Variants in WDR93 observed in about 807,000 individuals in gnomAD.
WDR93 encodes WD repeat domain 93.
WDR93 carries 73 observed loss-of-function variants against 82.9 expected under a neutral mutation model. The ratio of observed to expected loss-of-function variants is 0.88; its 90% CI spans 0.73 to 1.07. WDR93 has a LOEUF of 1.07. Among genes scored for constraint, WDR93 ranks in the 50% least tolerant of loss-of-function variants. WDR93 has a pLI of 0.00. For missense variants in WDR93, 738 were observed against 826.0 expected (o/e 0.89, Z 1.31); for synonymous variants, 283 against 300.1 (o/e 0.94, Z 0.59).
intron 4 of WDR93, among the ~76,000 whole-genome samples, chr15:89,710,017 G>C (rs371449840): frequency 6.6e-6 from 1 of 152,056 alleles, no homozygotes; most frequent in Admixed American, 6.6e-5. Flanking sequence ...AAAATTAGCC[G>C]GGTGTGCTGG....
At chr15:89,693,154 T>G (rs1964985928) in intron 1 of WDR93, among the ~76,000 whole-genome samples, 1 of 152,220 alleles carries the variant, frequency 6.6e-6, no homozygotes, top group Non-Finnish European at 1.5e-5. Context: ...CCATTATAAA[T>G]AAAGCTGCTA....
chr15:89,709,004 G>T (rs1448785226), intron 4 of WDR93, among the ~76,000 whole-genome samples: 1 of 152,212 alleles, frequency 6.6e-6, no homozygotes, highest in Non-Finnish European at 1.5e-5. Context: ...TGGCTGTGAC[G>T]GCCAGGTGCC....
chr15:89,711,265 C>G (rs149723999), intron 4 of WDR93, among the ~76,000 whole-genome samples: 29 of 152,206 alleles, frequency 1.9e-4, no homozygotes, highest in African/African-American at 6.0e-4. Context: ...ATCCAGTTCA[C>G]AATGCGAAAA....
At chr15:89,727,566 A>T (rs938998377) in intron 9 of WDR93, among the ~76,000 whole-genome samples, 3 of 152,208 alleles carry the variant, frequency 2.0e-5, no homozygotes, top group African/African-American at 7.2e-5. Flanking sequence ...TCTCTAAAAT[A>T]AATAAGCTCT....
chr15:89,715,143 A>C lies in WDR93; in HGVS notation c.756+48A>C, dbSNP rs201228942. 813 of 1,543,620 alleles carry C rather than the reference A, an allele frequency of 5.3e-4. 5 individuals are homozygous for C. The African/African-American group carries it at 0.01, about 19-fold the overall frequency. On this transcript the variant is annotated intron_variant, in intron 6 of 16. Transcript: ENST00000268130. ...GCTGATATGTTTCTCCCTACCCCTG[A>C]CCCACATCTAGCCCAAGTCCTTGGA...
chr15:89,710,501 G>C (rs757944854), intron 4 of WDR93, among the ~76,000 whole-genome samples: 6 of 152,066 alleles, frequency 3.9e-5, no homozygotes, highest in Non-Finnish European at 7.3e-5. Context: ...TTGACAGGGT[G>C]TTAGTTACAG....
Position 89,712,016 on chromosome 15 carries a change from T to A in WDR93, c.562-10T>A. On this transcript the variant is annotated splice_polypyrimidine_tract_variant and intron_variant, in intron 4 of 16. Coordinates refer to ENST00000268130, the MANE Select transcript of WDR93 (RefSeq NM_020212.2). ...TATGCCTACTCTATCAACATCTCTT[T>A]TGTTTTCAGGATGATACCAGCAAGC... The A allele has an allele frequency of 6.2e-7, 1 of 1,611,356 alleles. No individual in the cohort carries two copies. Among genetic ancestry groups the A allele is most frequent in the African/African-American group, 1.3e-5 (1 of 74,972 alleles).
At chr15:89,722,899 G>A (rs1342034572) in intron 8 of WDR93, among the ~76,000 whole-genome samples, 1 of 152,028 alleles carries the variant, frequency 6.6e-6, no homozygotes, top group Non-Finnish European at 1.5e-5. Flanking sequence ...GTACAGAGGT[G>A]AATAATTGGT....
At chr15:89,722,748 A>G (rs1966575609) in intron 8 of WDR93, among the ~76,000 whole-genome samples, 1 of 152,156 alleles carries the variant, frequency 6.6e-6, no homozygotes, top group South Asian at 2.1e-4. Flanking sequence ...GAGGCTAGCT[A>G]TTGTAGGCGG....
At position 89,715,016 on chromosome 15, in the gene WDR93, C is replaced by T. The variant is rs1462921243; in HGVS notation, c.677C>T (p.Pro226Leu). 2 of 1,613,994 alleles carry T rather than the reference C, an allele frequency of 1.2e-6. No homozygotes were observed. Among genetic ancestry groups the T allele is most frequent in the Non-Finnish European group, 1.7e-6 (2 of 1,179,966 alleles). ...ATTTGGCTGGATGTGTATAAATTGC[C>T]CAAGGAGACTTGGCTCAAGAAACTA... ...GDIWLDVYKL[P>L]KETWLKKLEH... The change falls in exon 6 of 17, where the codon CCC (proline) becomes CTC (leucine). Residue 226 changes from proline (P) to leucine (L), a missense_variant. Pro to Leu is a moderately conservative substitution (Grantham distance 98). Transcript: ENST00000268130.
At chr15:89,698,995 C>T (rs1391715007) in intron 1 of WDR93, among the ~76,000 whole-genome samples, 1 of 151,954 alleles carries the variant, frequency 6.6e-6, no homozygotes, top group Non-Finnish European at 1.5e-5. Flanking sequence ...TCAAGTGATC[C>T]TCCAAGCACA....
chr15:89,734,539 G>A (rs1485668317), intron 13 of WDR93, among the ~76,000 whole-genome samples: 1 of 152,156 alleles, frequency 6.6e-6, no homozygotes, highest in Non-Finnish European at 1.5e-5. Flanking sequence ...GTCCCATTGG[G>A]CAAAGCACAT....
At position 89,737,691 on chromosome 15, in the gene WDR93, T is replaced by A. The variant is rs758834414; in HGVS notation, c.1727T>A (p.Phe576Tyr). 6.2e-7 allele frequency: 1 copy of A among 1,614,160 alleles called. No homozygotes were observed. Among genetic ancestry groups the A allele is most frequent in the South Asian group, 1.1e-5 (1 of 91,088 alleles). The change falls in exon 15 of 17, where the codon TTT becomes TAT. Residue 576 changes from phenylalanine (F) to tyrosine (Y), a missense_variant. Coordinates refer to ENST00000268130, the MANE Select transcript of WDR93 (RefSeq NM_020212.2). The stretch of plus-strand genomic sequence containing the variant: ...CTGGAGGTCCCCTGGAAGCCAGTGT[T>A]TGCTGTGTCTCCAGACCATCCATGT... Reference protein sequence around the residue: ...FPLEVPWKPVFAVSPDHPCFL... With the variant: ...FPLEVPWKPVYAVSPDHPCFL...
chr15:89,730,261 G>A (rs1966848578), intron 11 of WDR93, among the ~76,000 whole-genome samples: 1 of 149,906 alleles, frequency 6.7e-6, no homozygotes, highest in Non-Finnish European at 1.5e-5. Flanking sequence ...GGAGGCAGAG[G>A]TTGCAGTGAG....
In WDR93 at chr15:89,712,098, C is replaced by A. The variant is rs1240475259; in HGVS notation, c.634C>A (p.Leu212Ile). Residue 212 changes from leucine (L) to isoleucine (I), a missense_variant, in exon 5 of 17, where the codon CTA becomes ATA. Physicochemically the swap from Leu to Ile is conservative, Grantham distance 5. Transcript: ENST00000268130. The part of the protein sequence containing the change: ...SQGGDFAAFL[L>I]QGAGDIWLDV... ...AGGAGGGGACTTTGCAGCCTTCCTC[C>A]TACAAGGCAAGATTAACCAAAGACT... The A allele has an allele frequency of 1.9e-6, 3 of 1,611,706 alleles. No individual in the cohort carries two copies.
intron 14 of WDR93, among the ~76,000 whole-genome samples, chr15:89,735,809 C>T (rs1322342234): frequency 6.6e-6 from 1 of 152,158 alleles, no homozygotes; most frequent in African/African-American, 2.4e-5. Flanking sequence ...TTAATGGATG[C>T]ATGGAACAGA....
intron 1 of WDR93, among the ~76,000 whole-genome samples, chr15:89,697,171 C>G (rs1965222032): frequency 6.6e-6 from 1 of 151,648 alleles, no homozygotes; most frequent in South Asian, 2.1e-4. Flanking sequence ...GTTGCTTAGA[C>G]TGGTGTCAGA....
chr15:89,715,415 G>A (rs1966202773), intron 6 of WDR93, among the ~76,000 whole-genome samples: 1 of 151,954 alleles, frequency 6.6e-6, no homozygotes, highest in Admixed American at 6.6e-5. Flanking sequence ...TTCCCTCCTG[G>A]CTGAAATAAT....
chr15:89,736,555 C>A (rs187238558), intron 14 of WDR93, among the ~76,000 whole-genome samples: 1 of 151,842 alleles, frequency 6.6e-6, no homozygotes, highest in Non-Finnish European at 1.5e-5. Context: ...ACAAAGTGAC[C>A]GTGAGGGGCC....
Sources: gnomAD v4.1 joint callset for allele counts (sites outside exome capture counted in the v4.1 genomes callset) on GRCh38, gnomAD v4.1.1 for gene constraint, MANE v1.5 for transcripts, NCBI Gene and HGNC (gene_info 2026-07-23, HGNC 2026-07-21) for gene names.